SMYD3: variants seen among roughly 807,000 people sequenced by gnomAD.
SMYD3 encodes histone-lysine N-methyltransferase SMYD3.
Under a neutral mutation model 57.7 loss-of-function variants are expected in SMYD3, and 36 were observed. That is an observed-to-expected ratio of 0.62 (90% confidence interval 0.48 to 0.82). The LOEUF (loss-of-function observed/expected upper bound fraction) is 0.82. Among genes scored for constraint, SMYD3 ranks in the 40% least tolerant of loss-of-function variants. The pLI is 0.00. For synonymous variants in SMYD3, 211 were observed against 195.0 expected (o/e 1.08, Z -0.68); for missense variants, 515 against 538.8 (o/e 0.96, Z 0.44).
At chr1:245,940,541 A>G (rs762000931) in intron 5 of SMYD3, among the ~76,000 whole-genome samples, 48 of 151,578 alleles carry the variant, frequency 3.2e-4, no homozygotes, top group Non-Finnish European at 5.6e-4. Flanking sequence ...CAGCAGCCCT[A>G]TGGAAGAGGG....
chr1:245,894,353 G>A (rs2053606808), intron 8 of SMYD3, among the ~76,000 whole-genome samples: 1 of 151,818 alleles, frequency 6.6e-6, no homozygotes, highest in Non-Finnish European at 1.5e-5. Context: ...CAATCAGCAG[G>A]ACATGGGTGG....
chr1:245,766,517 T>C (rs1264146234), intron 10 of SMYD3, among the ~76,000 whole-genome samples: 1 of 152,036 alleles, frequency 6.6e-6, no homozygotes, highest in Non-Finnish European at 1.5e-5. Flanking sequence ...TCAATCACTT[T>C]ACCTCTCACC....
Position 246,291,034 on chromosome 1 carries a change from G to A in SMYD3, c.531+36167C>T, listed in dbSNP as rs573537646. Reference sequence around the variant, plus strand: ...GACAATTAAACAAGCTTTTAAGCGTGATAAAAAAAAAAATACATAGGTTAA... The same window carrying A: ...GACAATTAAACAAGCTTTTAAGCGTAATAAAAAAAAAAATACATAGGTTAA... On this transcript the variant is annotated intron_variant, in intron 5 of 11. Transcript: ENST00000490107. 2.7e-4 allele frequency among the ~76,000 whole-genome samples: 37 copies of A among 136,714 alleles called. No individual in the cohort carries two copies. In the East Asian group the frequency reaches 9.8e-3, roughly 36 times the overall value. The allele number at this position is 136,714 out of a possible 152,430, so 89.7% of individuals were successfully genotyped here.
intron 5 of SMYD3, among the ~76,000 whole-genome samples, chr1:245,968,439 G>GA (rs2058210962): frequency 6.6e-6 from 1 of 152,084 alleles, no homozygotes; most frequent in African/African-American, 2.4e-5. Context: ...AGGCCCAAGT[G>GA]CCTCCTATAT....
chr1:246,407,258 G>A (rs1218063759), intron 1 of SMYD3, among the ~76,000 whole-genome samples: 1 of 152,194 alleles, frequency 6.6e-6, no homozygotes, highest in African/African-American at 2.4e-5. Context: ...TTGTTCTAGT[G>A]TATTTAATAT....
chr1:246,016,374 G>C (rs1445098501), intron 5 of SMYD3, among the ~76,000 whole-genome samples: 1 of 152,112 alleles, frequency 6.6e-6, no homozygotes, highest in Non-Finnish European at 1.5e-5. Flanking sequence ...CCTGAGGTCA[G>C]GAGTTCAGGA....
At chr1:245,996,561 A>G (rs1572863365) in intron 5 of SMYD3, among the ~76,000 whole-genome samples, 1 of 152,198 alleles carries the variant, frequency 6.6e-6, no homozygotes, top group Non-Finnish European at 1.5e-5. Context: ...CAGAGCCTAG[A>G]AGACTACTAG....
At chr1:245,999,399 C>T (rs2058994343) in intron 5 of SMYD3, among the ~76,000 whole-genome samples, 1 of 152,090 alleles carries the variant, frequency 6.6e-6, no homozygotes, top group African/African-American at 2.4e-5. Context: ...ATGGGAACCC[C>T]TTGATGTAGG....
At chr1:246,045,185 G>A (rs12084542) in intron 5 of SMYD3, among the ~76,000 whole-genome samples, 4,375 of 152,206 alleles carry the variant, frequency 0.029, 209 homozygotes, top group African/African-American at 0.099. Flanking sequence ...TCAATCCTAA[G>A]CCAAAAGAAC....
intron 1 of SMYD3, among the ~76,000 whole-genome samples, chr1:246,364,455 A>G (rs1005289283): frequency 6.6e-6 from 1 of 152,190 alleles, no homozygotes; most frequent in Non-Finnish European, 1.5e-5. Flanking sequence ...ACTAAATTTG[A>G]AACAGTTCTG....
chr1:246,291,036 TAA>T (rs35794397), intron 5 of SMYD3, among the ~76,000 whole-genome samples: 49 of 148,334 alleles, frequency 3.3e-4, no homozygotes, highest in South Asian at 1.3e-3. Flanking sequence ...TTAAGCGTGA[TAA>T]AAAAAAAAAT....
chr1:245,812,780 TCAC>T (rs2048552226), intron 10 of SMYD3, among the ~76,000 whole-genome samples: 2 of 148,304 alleles, frequency 1.3e-5, no homozygotes, highest in African/African-American at 5.0e-5. Context: ...AAGAAAGGGG[TCAC>T]TCACTCACTC....
intron 1 of SMYD3, among the ~76,000 whole-genome samples, chr1:246,411,204 C>G (rs112413123): frequency 0.096 from 14,651 of 152,020 alleles, 913 homozygotes; most frequent in East Asian, 0.32. Flanking sequence ...CATTTATGCA[C>G]CCAAAAAACA....
chr1:246,065,152 A>G (rs1255481675), intron 5 of SMYD3, among the ~76,000 whole-genome samples: 1 of 152,218 alleles, frequency 6.6e-6, no homozygotes, highest in Non-Finnish European at 1.5e-5. Context: ...TCAGTATCCC[A>G]TTCCTAGCTA....
chr1:245,875,670 C>CTACG (rs1400715430), intron 8 of SMYD3, among the ~76,000 whole-genome samples: 1 of 152,130 alleles, frequency 6.6e-6, no homozygotes, highest in African/African-American at 2.4e-5. Flanking sequence ...CAAGGGAATG[C>CTACG]TACGATGCCA....
intron 1 of SMYD3, among the ~76,000 whole-genome samples, chr1:246,502,135 C>CTTTTTTT (rs56336266): frequency 6.9e-6 from 1 of 145,914 alleles, no homozygotes; most frequent in Non-Finnish European, 1.5e-5. Flanking sequence ...ATGCAGCTGC[C>CTTTTTTT]TTTTTTTTTT....
intron 1 of SMYD3, among the ~76,000 whole-genome samples, chr1:246,472,570 C>G (rs1365957197): frequency 6.6e-6 from 1 of 152,064 alleles, no homozygotes; most frequent in African/African-American, 2.4e-5. Flanking sequence ...GAGTGAGACC[C>G]TGTCCCTACA....
intron 5 of SMYD3, among the ~76,000 whole-genome samples, chr1:245,980,586 A>C (rs1220591797): frequency 6.6e-6 from 1 of 152,238 alleles, no homozygotes; most frequent in Non-Finnish European, 1.5e-5. Flanking sequence ...CATGTAGAAC[A>C]AATTAGGGTG....
intron 5 of SMYD3, among the ~76,000 whole-genome samples, chr1:245,942,821 T>A (rs777221038): frequency 6.6e-6 from 1 of 152,108 alleles, no homozygotes; most frequent in African/African-American, 2.4e-5. Context: ...GAACTCAAGA[T>A]TAAGAAACTC....
Sources: gnomAD v4.1 joint callset for allele counts (sites outside exome capture counted in the v4.1 genomes callset) on GRCh38, gnomAD v4.1.1 for gene constraint, MANE v1.5 for transcripts, NCBI Gene and HGNC (gene_info 2026-07-23, HGNC 2026-07-21) for gene names.